Variants in FRMD4A observed in about 807,000 individuals in gnomAD.
The protein encoded by FRMD4A is FERM domain-containing protein 4A.
A neutral mutation model predicts 129.1 loss-of-function variants in FRMD4A; 29 were observed. The ratio of observed to expected loss-of-function variants is 0.22; its 90% CI spans 0.17 to 0.31. The LOEUF (loss-of-function observed/expected upper bound fraction) is 0.31. FRMD4A is among the 10% of genes least tolerant of loss of function. The probability of loss-of-function intolerance (pLI) is 1.00; values close to 1 mark genes in which losing one functional copy is unlikely to be tolerated. For synonymous variants in FRMD4A, 634 were observed against 571.6 expected, an observed-to-expected ratio of 1.11 and a Z score of -1.56; for missense variants, 1,272 against 1,375.8, an observed-to-expected ratio of 0.92 and a Z score of 1.19.
At chr10:14,171,568 T>C (rs1841478810) in intron 2 of FRMD4A, among the ~76,000 whole-genome samples, 1 of 152,216 alleles carries the variant, frequency 6.6e-6, no homozygotes, top group East Asian at 1.9e-4. Flanking sequence ...ATTTCAATGC[T>C]CATGAACTGT....
intron 13 of FRMD4A, among the ~76,000 whole-genome samples, chr10:13,704,318 C>A (rs553987539): frequency 6.6e-6 from 1 of 152,308 alleles, no homozygotes; most frequent in Non-Finnish European, 1.5e-5. Flanking sequence ...CTCCCTGGGC[C>A]TCTCCCCCAT....
chr10:14,251,602 G>T (rs1265379511), intron 2 of FRMD4A, among the ~76,000 whole-genome samples: 3 of 152,196 alleles, frequency 2.0e-5, no homozygotes, highest in Non-Finnish European at 4.4e-5. Flanking sequence ...AATATGTGAG[G>T]CATAAACAGA....
chr10:14,114,738 C>A (rs1012517003), intron 2 of FRMD4A, among the ~76,000 whole-genome samples: 2 of 152,120 alleles, frequency 1.3e-5, no homozygotes, highest in Non-Finnish European at 2.9e-5. Context: ...TTGAGAGGTA[C>A]CAAACAGGGA....
chr10:13,802,806 T>C (rs1312796160), intron 4 of FRMD4A, among the ~76,000 whole-genome samples: 1 of 151,970 alleles, frequency 6.6e-6, no homozygotes, highest in African/African-American at 2.4e-5. Context: ...TGTTGCTGGA[T>C]GGAGGGGAGG....
chr10:13,705,991 A>G (rs2087395016), intron 13 of FRMD4A, among the ~76,000 whole-genome samples: 1 of 152,156 alleles, frequency 6.6e-6, no homozygotes, highest in South Asian at 2.1e-4. Flanking sequence ...CACAGGTCCA[A>G]GCCCTCTCAC....
chr10:13,657,500 G>C lies in FRMD4A; in HGVS notation c.2089C>G (p.Arg697Gly), dbSNP rs780832289. 2.8e-5 allele frequency: 45 copies of C among 1,601,062 alleles called. No individual in the cohort carries two copies. The highest frequency in any genetic ancestry group is 3.7e-5 in the Non-Finnish European group (43 of 1,176,096). ...STRSVDISPT[R>G]LHSLALHFRH... ...AAGTGCAGTGCGAGGCTGTGCAGTC[G>C]GGTGGGGCTGATGTCCACCGACCTG... Residue 697 changes from arginine (R) to glycine (G), a missense_variant, in exon 22 of 25, where the codon CGA becomes GGA. By Grantham distance (125) the Arg-to-Gly change is moderately radical (BLOSUM62 -2). This residue lies in a region of FRMD4A where 972 missense variants were observed against 892.3 expected (regional missense o/e 1.09). Transcript: ENST00000357447.
At chr10:14,096,212 C>T (rs926166927) in intron 2 of FRMD4A, among the ~76,000 whole-genome samples, 3 of 152,180 alleles carry the variant, frequency 2.0e-5, no homozygotes, top group Non-Finnish European at 4.4e-5. Flanking sequence ...CTGGAGGGAA[C>T]CTGTTTGTCC....
chr10:14,147,637 G>T (rs1397105726), intron 2 of FRMD4A, among the ~76,000 whole-genome samples: 1 of 152,050 alleles, frequency 6.6e-6, no homozygotes, highest in Non-Finnish European at 1.5e-5. Flanking sequence ...TAGATCCCTG[G>T]CATGTGCAGT....
chr10:13,654,591 G>T (rs1177903728), intron 22 of FRMD4A, 79 bp from the exon 23 acceptor site: 2 of 877,462 alleles, frequency 2.3e-6, no homozygotes, highest in Non-Finnish European at 3.7e-6. Flanking sequence ...CTTGTTGGCT[G>T]ACACCAACCC....
Position 13,891,598 on chromosome 10 carries a change from G to A in FRMD4A, c.46-32686C>T, listed in dbSNP as rs1041692326. On this transcript the variant is annotated intron_variant, in intron 2 of 24. Transcript: ENST00000357447. ...TGCCGTCAGTCGCCTCCCTGCCACCGCGACCGGGAAACAAAGACACATTAC... is the reference window on the plus strand; with the variant it reads ...TGCCGTCAGTCGCCTCCCTGCCACCACGACCGGGAAACAAAGACACATTAC... 3.6e-5 allele frequency: 35 copies of A among 985,360 alleles called. No homozygotes were observed. The South Asian group carries it at 1.4e-3, about 40-fold the overall frequency. 61.0% of individuals were successfully genotyped at this position (985,360 alleles called of 1,614,324 possible).
chr10:13,766,028 T>C (rs1180486258), intron 6 of FRMD4A, among the ~76,000 whole-genome samples: 1 of 151,690 alleles, frequency 6.6e-6, no homozygotes, highest in Non-Finnish European at 1.5e-5. Context: ...AAAATAACAC[T>C]TTTAAGTGTG....
chr10:14,200,069 C>A lies in FRMD4A; in HGVS notation c.45+129989G>T, dbSNP rs142592981. On this transcript the variant is annotated intron_variant, in intron 2 of 24. Coordinates refer to ENST00000357447, the MANE Select transcript of FRMD4A (RefSeq NM_018027.5). ...AGACAGGGTCTTGCTGTTGCCCAGG[C>A]TGGAGTGCAGTGCAGTGGTGCAATC... 9.5e-3 allele frequency among the ~76,000 whole-genome samples: 1,408 copies of A among 147,746 alleles called. 36 individuals carry two copies. Among genetic ancestry groups the A allele is most frequent in the African/African-American group, 0.032 (1,302 of 40,516 alleles).
chr10:13,978,605 T>A (rs774109301), intron 2 of FRMD4A, among the ~76,000 whole-genome samples: 4 of 152,136 alleles, frequency 2.6e-5, no homozygotes, highest in African/African-American at 4.8e-5. Flanking sequence ...TCCCAAGGCA[T>A]TTCAGGATTG....
At chr10:14,155,995 A>T (rs1374181992) in intron 2 of FRMD4A, among the ~76,000 whole-genome samples, 3 of 152,096 alleles carry the variant, frequency 2.0e-5, no homozygotes, top group Non-Finnish European at 4.4e-5. Flanking sequence ...AAATGTTAGG[A>T]CACCTGTACC....
intron 2 of FRMD4A, among the ~76,000 whole-genome samples, chr10:13,872,867 A>T (rs567565282): frequency 6.6e-6 from 1 of 152,262 alleles, no homozygotes; most frequent in East Asian, 1.9e-4. Flanking sequence ...TGATGACTGT[A>T]CTTGGAATTT....
chr10:13,988,003 A>G (rs2095588226), intron 2 of FRMD4A, among the ~76,000 whole-genome samples: 1 of 152,216 alleles, frequency 6.6e-6, no homozygotes, highest in Non-Finnish European at 1.5e-5. Flanking sequence ...GGGACTCTCA[A>G]TTTAACAGAA....
chr10:13,838,252 A>ATTTT (rs905362746), intron 3 of FRMD4A, among the ~76,000 whole-genome samples: 3 of 126,000 alleles, frequency 2.4e-5, no homozygotes, highest in African/African-American at 3.0e-5. Context: ...TGCAGAGCTA[A>ATTTT]TTTTTTTTTT....
chr10:13,731,649 CA>C (rs35512356), intron 12 of FRMD4A, among the ~76,000 whole-genome samples: 19,244 of 116,392 alleles, frequency 0.17, 1,299 homozygotes, highest in East Asian at 0.24. Context: ...GACTTCATCT[CA>C]AAAAAAAAAA....
chr10:14,127,939 TTTC>T (rs1177262385), intron 2 of FRMD4A, among the ~76,000 whole-genome samples: 2 of 11,498 alleles, frequency 1.7e-4, no homozygotes, highest in East Asian at 2.2e-3. Context: ...TCTTTCTTTC[TTTC>T]TTTCTTTCTT....
Sources: gnomAD v4.1 joint callset for allele counts (sites outside exome capture counted in the v4.1 genomes callset) on GRCh38, gnomAD v4.1.1 for gene constraint, gnomAD v4.1.1 regional missense constraint, MANE v1.5 for transcripts, NCBI Gene and HGNC (gene_info 2026-07-23, HGNC 2026-07-21) for gene names.